RSU1: variants seen among roughly 807,000 people sequenced by gnomAD.
RSU1 encodes the protein Ras suppressor protein 1.
A neutral mutation model predicts 31.1 loss-of-function variants in RSU1; 26 were observed. The ratio of observed to expected loss-of-function variants is 0.84; its 90% CI spans 0.61 to 1.16. RSU1 has a LOEUF of 1.16. Ranked by LOEUF, RSU1 falls within the 50% of genes most tolerant of loss-of-function variation. The probability of loss-of-function intolerance (pLI) is 0.00; values close to 1 mark genes in which losing one functional copy is unlikely to be tolerated. For missense variants in RSU1, 320 were observed against 339.1 expected, an observed-to-expected ratio of 0.94 and a Z score of 0.44; for synonymous variants, 164 against 136.3, an observed-to-expected ratio of 1.20 and a Z score of -1.41.
intron 8 of RSU1, among the ~76,000 whole-genome samples, chr10:16,657,683 C>A (rs953390823): frequency 6.6e-6 from 1 of 152,204 alleles, no homozygotes; most frequent in African/African-American, 2.4e-5. Context: ...GCTTTGAACC[C>A]ATTATCGTCA....
intron 1 of RSU1, 76 bp downstream of exon 1, chr10:16,817,237 GAT>G: frequency 3.0e-5 from 12 of 406,520 alleles, no homozygotes; most frequent in East Asian, 9.3e-5. Flanking sequence ...GCGGGGAGGG[GAT>G]GGAGTGGGAA....
chr10:16,679,555 T>C lies in RSU1; in HGVS notation c.731+15468A>G, dbSNP rs576091726. On this transcript the variant is annotated intron_variant, in intron 8 of 8. Coordinates refer to ENST00000345264, the MANE Select transcript of RSU1 (RefSeq NM_012425.4). ...GAAAAGATCTCTGAGGAAGCGATAT[T>C]TAACCTGACACTTGAAGAATAACTG... 2.0e-5 allele frequency among the ~76,000 whole-genome samples: 3 copies of C among 152,296 alleles called. No individual in the cohort carries two copies. In the South Asian group the frequency reaches 6.2e-4, roughly 32 times the overall value.
chr10:16,728,812 G>A (rs1836447310), intron 7 of RSU1, among the ~76,000 whole-genome samples: 2 of 152,208 alleles, frequency 1.3e-5, no homozygotes, highest in South Asian at 4.1e-4. Context: ...GGTAGGTTCT[G>A]AGGATGAAGG....
intron 8 of RSU1, among the ~76,000 whole-genome samples, chr10:16,674,727 T>A (rs891027375): frequency 1.2e-4 from 19 of 152,096 alleles, no homozygotes; most frequent in African/African-American, 4.3e-4. Flanking sequence ...ACAGCAAGCC[T>A]AAGGTCATTT....
chr10:16,772,656 A>C (rs1210937706), intron 3 of RSU1, among the ~76,000 whole-genome samples: 3 of 151,258 alleles, frequency 2.0e-5, no homozygotes, highest in Non-Finnish European at 4.4e-5. Context: ...AAAAAAAAAA[A>C]AAAAACAAGA....
intron 8 of RSU1, among the ~76,000 whole-genome samples, chr10:16,646,234 C>A (rs1033227613): frequency 6.6e-6 from 1 of 151,754 alleles, no homozygotes; most frequent in African/African-American, 2.4e-5. Flanking sequence ...GGAGAAAGCC[C>A]GTTCCCCATT....
At chr10:16,706,556 T>C (rs1237761744) in intron 7 of RSU1, among the ~76,000 whole-genome samples, 1 of 152,222 alleles carries the variant, frequency 6.6e-6, no homozygotes. Context: ...GTGGGTGGTC[T>C]TTTTAGAAAA....
chr10:16,776,057 C>G (rs557934502), intron 3 of RSU1, among the ~76,000 whole-genome samples: 22 of 152,250 alleles, frequency 1.4e-4, no homozygotes, highest in Non-Finnish European at 2.8e-4. Flanking sequence ...GACAAATAAT[C>G]TATGAAGGAG....
At position 16,752,561 on chromosome 10, in the gene RSU1, G is replaced by T. The variant is rs780589888; in HGVS notation, c.576C>A (p.Leu192=). ...LKELHIQGNR[L]TVLPPELGNL... is the part of the protein sequence containing the mutation. ...TACCTAGTTCTGGGGGCAGAACGGT[G>T]AGGCGGTTCCCCTGAATGTGGAGCT... The change falls in exon 7 of 9, where the codon CTC becomes CTA. Residue 192 remains leucine, a synonymous_variant. Coordinates refer to ENST00000345264, the MANE Select transcript of RSU1 (RefSeq NM_012425.4). 1 of 1,614,026 alleles carries T rather than the reference G, an allele frequency of 6.2e-7. No individual in the cohort carries two copies. The highest frequency in any genetic ancestry group is 8.5e-7 in the Non-Finnish European group (1 of 1,179,864).
chr10:16,800,090 T>C (rs1344329465), intron 2 of RSU1, among the ~76,000 whole-genome samples: 1 of 151,650 alleles, frequency 6.6e-6, no homozygotes, highest in African/African-American at 2.4e-5. Context: ...CAAGAGAAAA[T>C]TTTACCCTCT....
chr10:16,736,065 A>G (rs191233161), intron 7 of RSU1, among the ~76,000 whole-genome samples: 2 of 152,336 alleles, frequency 1.3e-5, no homozygotes, highest in East Asian at 3.9e-4. Context: ...GACAGAAATC[A>G]GAGTTTGAGG....
intron 8 of RSU1, among the ~76,000 whole-genome samples, chr10:16,649,890 C>A (rs1034171841): frequency 3.9e-5 from 6 of 152,156 alleles, no homozygotes; most frequent in East Asian, 1.9e-4. Context: ...CTGTGAAAAA[C>A]CAGGCCCTAA....
intron 8 of RSU1, among the ~76,000 whole-genome samples, chr10:16,637,222 A>T (rs937241095): frequency 1.3e-5 from 2 of 152,234 alleles, no homozygotes. Flanking sequence ...TAAAAAGAGC[A>T]CTTTTATGAT....
At chr10:16,704,393 G>T (rs1023450550) in intron 7 of RSU1, among the ~76,000 whole-genome samples, 13 of 152,136 alleles carry the variant, frequency 8.5e-5, no homozygotes, top group Non-Finnish European at 1.9e-4. Context: ...ACCATTTTGG[G>T]GGTTTAGGAT....
chr10:16,657,355 T>C (rs1182768698), intron 8 of RSU1, among the ~76,000 whole-genome samples: 2 of 152,198 alleles, frequency 1.3e-5, no homozygotes, highest in African/African-American at 4.8e-5. Flanking sequence ...GTTTAATAAA[T>C]AGGCTGTCTG....
intron 7 of RSU1, among the ~76,000 whole-genome samples, chr10:16,718,697 G>A (rs1232029883): frequency 6.6e-6 from 1 of 152,018 alleles, no homozygotes; most frequent in Non-Finnish European, 1.5e-5. Flanking sequence ...AAAAAAAGTG[G>A]TGGCCCGGCA....
intron 7 of RSU1, among the ~76,000 whole-genome samples, chr10:16,695,883 G>C (rs1487608034): frequency 6.6e-6 from 1 of 152,112 alleles, no homozygotes; most frequent in Non-Finnish European, 1.5e-5. Context: ...ACAGTGTCTG[G>C]TGAGGCCATC....
At chr10:16,751,578 TTCAG>T (rs1248981538) in intron 7 of RSU1, among the ~76,000 whole-genome samples, 4 of 152,236 alleles carry the variant, frequency 2.6e-5, no homozygotes, top group Middle Eastern at 3.2e-3. Context: ...CATTAATTCA[TTCAG>T]TCAGTGTTTT....
chr10:16,800,420 A>C (rs73590345), intron 2 of RSU1, among the ~76,000 whole-genome samples: 4,471 of 152,336 alleles, frequency 0.029, 222 homozygotes, highest in African/African-American at 0.1. Flanking sequence ...GCTAGAGTTC[A>C]CAAACACTGT....
Sources: allele counts gnomAD v4.1 joint callset (sites outside exome capture counted in the v4.1 genomes callset), GRCh38; gene constraint gnomAD v4.1.1; transcripts MANE v1.5; gene names NCBI Gene and HGNC (gene_info 2026-07-23, HGNC 2026-07-21).